Variants in KCNQ1 observed in about 807,000 individuals in gnomAD.
KCNQ1 encodes potassium voltage-gated channel subfamily KQT member 1.
In KCNQ1, 49 loss-of-function variants were observed where a neutral mutation model predicts 72.4. The ratio of observed to expected loss-of-function variants is 0.68; its 90% CI spans 0.54 to 0.86. The LOEUF is 0.86. KCNQ1 is among the 40% of genes least tolerant of loss of function. The pLI, the probability that KCNQ1 is intolerant of heterozygous loss-of-function variation, is 0.00. For synonymous variants in KCNQ1, 450 were observed against 412.6 expected (o/e 1.09, Z -1.10); for missense variants, 790 against 945.1 (o/e 0.84, Z 2.15).
chr11:2,842,037 C>T (rs892893925), intron 15 of KCNQ1, among the ~76,000 whole-genome samples: 2 of 152,180 alleles, frequency 1.3e-5, no homozygotes, highest in Non-Finnish European at 2.9e-5. Flanking sequence ...CGACCATGAG[C>T]GGTGTGGGTC....
In KCNQ1 at chr11:2,663,938, C is replaced by G. The variant is rs1418884341; in HGVS notation, c.1514+1857C>G. The G allele has an allele frequency of 2.5e-6, 1 of 398,746 alleles. No individual in the cohort carries two copies. Among genetic ancestry groups the G allele is most frequent in the Non-Finnish European group, 4.4e-6 (1 of 226,126 alleles). 24.7% of individuals were successfully genotyped at this position (398,746 alleles called of 1,614,324 possible). A position where few individuals can be genotyped will look rare whatever the true frequency, so the allele number is the denominator to read the frequency against. ...ACACTGGGCTGTTTCTTGTTCCACT[C>G]CAGGATGACAGGGCCTGAGAGACCT... is the stretch of plus-strand genomic sequence containing the variant. On this transcript the variant is annotated intron_variant, in intron 11 of 15. Transcript: ENST00000155840. The surrounding 1 kb of genome is among the most constrained non-coding windows in gnomAD (Gnocchi z 5.2).
intron 11 of KCNQ1, among the ~76,000 whole-genome samples, chr11:2,731,302 G>A (rs1367909533): frequency 6.6e-6 from 1 of 152,240 alleles, no homozygotes; most frequent in Non-Finnish European, 1.5e-5. Flanking sequence ...GCACCCCACT[G>A]TTGCATGGAG....
At position 2,617,528 on chromosome 11, in the gene KCNQ1, G is replaced by A. The variant is rs980143320; in HGVS notation, c.1393+28674G>A. The A allele has an allele frequency of 2.5e-6, 1 of 398,434 alleles. No homozygotes were observed. Among genetic ancestry groups the A allele is most frequent in the Non-Finnish European group, 4.4e-6 (1 of 225,968 alleles). 24.7% of individuals were successfully genotyped at this position (398,434 alleles called of 1,614,324 possible). A position where few individuals can be genotyped will look rare whatever the true frequency, so the allele number is the denominator to read the frequency against. Reference sequence around the variant, plus strand: ...ATATAATGCCACAATGAATATAGGAGCGCAGATATCTTTATGAGGTGGAGA... The same window carrying A: ...ATATAATGCCACAATGAATATAGGAACGCAGATATCTTTATGAGGTGGAGA... On this transcript the variant is annotated intron_variant, in intron 10 of 15. Transcript: ENST00000155840. This position sits in a 1 kb window ranked among gnomAD's most constrained non-coding sequence, Gnocchi z 4.6.
intron 1 of KCNQ1, among the ~76,000 whole-genome samples, chr11:2,449,740 G>C (rs573964277): frequency 6.6e-6 from 1 of 152,144 alleles, no homozygotes; most frequent in African/African-American, 2.4e-5. Context: ...AACTCCACCC[G>C]GGTGGCTGAT....
At chr11:2,656,006 A>G (rs940214319) in intron 10 of KCNQ1, 3 of 398,490 alleles carry the variant, frequency 7.5e-6, no homozygotes, top group African/African-American at 4.1e-5. Context: ...TTAATTTCCT[A>G]AAACACCAGG....
At position 2,849,002 on chromosome 11, in the gene KCNQ1, G is replaced by A. The variant is rs1304220094; in HGVS notation, c.*999G>A. 1 of 454,148 alleles carries A rather than the reference G, an allele frequency of 2.2e-6. No homozygotes were observed. The highest frequency in any genetic ancestry group is 2.3e-5 in the Admixed American group (1 of 42,582). 28.1% of individuals were successfully genotyped at this position (454,148 alleles called of 1,614,324 possible). On this transcript the variant is annotated 3_prime_UTR_variant, in exon 16 of 16. Transcript: ENST00000155840. Reference sequence around the variant, plus strand: ...ACGTGGAGAATCACAGGCTGGGCTGGGCACTGCTCTCACCTTGGTTCCTGG... The same window carrying A: ...ACGTGGAGAATCACAGGCTGGGCTGAGCACTGCTCTCACCTTGGTTCCTGG...
chr11:2,802,409 C>G (rs1847286130), intron 15 of KCNQ1, among the ~76,000 whole-genome samples: 1 of 152,182 alleles, frequency 6.6e-6, no homozygotes, highest in African/African-American at 2.4e-5. Flanking sequence ...GGGGAGCCTG[C>G]CCTGGAATGT....
chr11:2,621,097 A>G lies in KCNQ1; in HGVS notation c.1393+32243A>G, dbSNP rs1589986453. On this transcript the variant is annotated intron_variant, in intron 10 of 15. Transcript: ENST00000155840. The surrounding 1 kb of genome is among the most constrained non-coding windows in gnomAD (Gnocchi z 5.7). ...GGTTCAAGCAATTCTCCTGTCTCAG[A>G]CTCCTGAGTAGCTGGGATTACAGGT... 1 of 394,326 alleles carries G rather than the reference A, an allele frequency of 2.5e-6. No homozygotes were observed. The highest frequency in any genetic ancestry group is 1.5e-4 in the South Asian group (1 of 6,876). The allele number at this position is 394,326 out of a possible 1,614,324, so 24.4% of individuals were successfully genotyped here.
At chr11:2,680,708 G>C in intron 11 of KCNQ1, 1 of 398,122 alleles carries the variant, frequency 2.5e-6, no homozygotes, top group African/African-American at 2.1e-5. Flanking sequence ...CCCTTTTATA[G>C]CTACCCCCAA....
At chr11:2,796,209 C>A (rs1160392451) in intron 15 of KCNQ1, among the ~76,000 whole-genome samples, 1 of 152,150 alleles carries the variant, frequency 6.6e-6, no homozygotes, top group African/African-American at 2.4e-5. Flanking sequence ...CACCTGAAAT[C>A]ATTCCATGTC....
At chr11:2,489,200 C>T (rs1189200959) in intron 1 of KCNQ1, among the ~76,000 whole-genome samples, 1 of 152,210 alleles carries the variant, frequency 6.6e-6, no homozygotes, top group African/African-American at 2.4e-5. Context: ...CCTCCCATCC[C>T]CCAGCTATGT....
chr11:2,623,035 C>T lies in KCNQ1; in HGVS notation c.1393+34181C>T, dbSNP rs1216081767. 6 of 398,440 alleles carry T rather than the reference C, an allele frequency of 1.5e-5. No individual in the cohort carries two copies. The highest frequency in any genetic ancestry group is 2.2e-5 in the Non-Finnish European group (5 of 226,124). The allele number at this position is 398,440 out of a possible 1,614,324, so 24.7% of individuals were successfully genotyped here. ...TAATCCCCATGTGTCAGGGGAGGGG[C>T]CTGGTGGGGGGCAAACTTCCCCCTT... On this transcript the variant is annotated intron_variant, in intron 10 of 15. Transcript: ENST00000155840. The surrounding 1 kb of genome is among the most constrained non-coding windows in gnomAD (Gnocchi z 5.2).
chr11:2,660,918 G>A (rs1159089638), intron 10 of KCNQ1: 3 of 398,504 alleles, frequency 7.5e-6, no homozygotes, highest in South Asian at 2.5e-4. Context: ...AAAACTATAA[G>A]AGCCTGAATG....
At chr11:2,757,554 A>G (rs953432369) in intron 11 of KCNQ1, among the ~76,000 whole-genome samples, 8 of 152,250 alleles carry the variant, frequency 5.3e-5, no homozygotes, top group African/African-American at 1.9e-4. Flanking sequence ...AAGATTTCTT[A>G]TGGACATGGA....
intron 11 of KCNQ1, chr11:2,667,348 C>A: frequency 2.5e-6 from 1 of 398,712 alleles, no homozygotes; most frequent in South Asian, 1.3e-4. Flanking sequence ...CTCATTTCCT[C>A]TGCAAGGGAA....
chr11:2,728,249 C>A (rs1217235941), intron 11 of KCNQ1, among the ~76,000 whole-genome samples: 1 of 152,206 alleles, frequency 6.6e-6, no homozygotes, highest in Admixed American at 6.5e-5. Flanking sequence ...CTGTGGCTTC[C>A]CAAGGCTCTT....
At chr11:2,448,319 T>C (rs1158642733) in intron 1 of KCNQ1, among the ~76,000 whole-genome samples, 1 of 152,200 alleles carries the variant, frequency 6.6e-6, no homozygotes, top group Non-Finnish European at 1.5e-5. Context: ...TGTTCCCCGC[T>C]CCTACAGCCT....
chr11:2,494,621 T>G lies in KCNQ1; in HGVS notation c.387-33307T>G, dbSNP rs1846881507. Among the ~76,000 whole-genome samples, 1 of 152,228 alleles carries G rather than the reference T, an allele frequency of 6.6e-6. No homozygotes were observed. ...TGAGATAATCATGTGGTTTTTGTCA[T>G]TGGTTCTGTTTATGTGATGTTTAGT... On this transcript the variant is annotated intron_variant, in intron 1 of 15. Transcript: ENST00000155840. This position sits in a 1 kb window ranked among gnomAD's most constrained non-coding sequence, Gnocchi z 4.6.
At chr11:2,681,693 T>C (rs1850401095) in intron 11 of KCNQ1, 3 of 334,722 alleles carry the variant, frequency 9.0e-6, no homozygotes, top group Non-Finnish European at 1.6e-5. Flanking sequence ...CAGGCTGCCG[T>C]TGCTTCCCAT....
Sources: gnomAD v4.1 joint callset for allele counts (sites outside exome capture counted in the v4.1 genomes callset) on GRCh38, gnomAD v4.1.1 for gene constraint, Gnocchi (gnomAD v3.1) non-coding constraint, MANE v1.5 for transcripts, NCBI Gene and HGNC (gene_info 2026-07-23, HGNC 2026-07-21) for gene names.